PSME4: variants seen among roughly 807,000 people sequenced by gnomAD.
The protein encoded by PSME4 is proteasome activator complex subunit 4.
A neutral mutation model predicts 253.9 loss-of-function variants in PSME4; 89 were observed. The observed-to-expected ratio is 0.35, with a 90% CI of 0.30 to 0.42. The LOEUF is 0.42. Among genes scored for constraint, PSME4 ranks in the 10% least tolerant of loss-of-function variants. PSME4 has a pLI of 1.00. For missense variants in PSME4, 2,014 were observed against 2,195.2 expected, an observed-to-expected ratio of 0.92 and a Z score of 1.65; for synonymous variants, 851 against 759.2, an observed-to-expected ratio of 1.12 and a Z score of -1.99.
intron 41 of PSME4, among the ~76,000 whole-genome samples, chr2:53,882,434 C>T (rs1484047058): frequency 1.3e-5 from 2 of 152,180 alleles, no homozygotes; most frequent in Non-Finnish European, 2.9e-5. Context: ...TGTTATCAGA[C>T]TCAGCCACCC....
rs532970621 is a variant in PSME4 at position 53,884,171 on chromosome 2, T to C, written c.4815+1519A>G. On this transcript the variant is annotated intron_variant, in intron 41 of 46. Coordinates refer to ENST00000404125, the MANE Select transcript of PSME4 (RefSeq NM_014614.3). ...TCAATATTAGTATATCCAGGTGAGA[T>C]GTTAGGCTTGTCAATGGTAACTTAT... 8.5e-5 allele frequency among the ~76,000 whole-genome samples: 13 copies of C among 152,292 alleles called. No homozygotes were observed. The East Asian group carries it at 2.5e-3, about 29-fold the overall frequency.
At chr2:53,928,345 TA>T in intron 10 of PSME4, 42 bp from the exon 11 acceptor site, 1 of 1,470,882 alleles carries the variant, frequency 6.8e-7, no homozygotes, top group South Asian at 1.2e-5. Flanking sequence ...CCATCACAGA[TA>T]TGCATAATAC....
chr2:53,883,269 T>G lies in PSME4; in HGVS notation c.4815+2421A>C, dbSNP rs1251176041. On this transcript the variant is annotated intron_variant, in intron 41 of 46. Coordinates refer to ENST00000404125, the MANE Select transcript of PSME4 (RefSeq NM_014614.3). Reference sequence around the variant, plus strand: ...TAGCTCACACCTGTAATCCTAGCACTTTGGAAGGCTACGGTGGGAGGACCA... The same window carrying G: ...TAGCTCACACCTGTAATCCTAGCACGTTGGAAGGCTACGGTGGGAGGACCA... Among the ~76,000 whole-genome samples, 4 of 152,198 alleles carry G rather than the reference T, an allele frequency of 2.6e-5. No individual in the cohort carries two copies. The East Asian group carries it at 7.7e-4, about 29-fold the overall frequency.
chr2:53,898,424 C>A, intron 29 of PSME4, 70 bp from the exon 30 acceptor site: 1 of 1,235,228 alleles, frequency 8.1e-7, no homozygotes, highest in Non-Finnish European at 1.1e-6. Context: ...AATAGAAATT[C>A]AAATTCTAGC....
In PSME4 at chr2:53,874,458, C is replaced by T. The variant is rs753060353; in HGVS notation, c.4981G>A (p.Val1661Ile). Residue 1661 changes from valine (V) to isoleucine (I), a missense_variant, in exon 43 of 47, where the codon GTA becomes ATA. This residue lies in a region of PSME4 where 403 missense variants were observed against 556.1 expected (regional missense o/e 0.72). Transcript: ENST00000404125. ...RSSSWHARYT[V>I]LTYLQTMVFY... ...ACCATGGTCTGGAGGTAGGTCAGTACTGTGTATCGTGCATGCCAAGAACTG... is the reference window on the plus strand; with the variant it reads ...ACCATGGTCTGGAGGTAGGTCAGTATTGTGTATCGTGCATGCCAAGAACTG... 6.2e-7 allele frequency: 1 copy of T among 1,613,902 alleles called. No homozygotes were observed. The highest frequency in any genetic ancestry group is 8.5e-7 in the Non-Finnish European group (1 of 1,179,964).
In PSME4 at chr2:53,919,037, T is replaced by G. The variant is rs149377631; in HGVS notation, c.2516+114A>C. On this transcript the variant is annotated intron_variant, in intron 20 of 46. Transcript: ENST00000404125. ...TATTTTTGACCTTAACAGTGACAAATAAAAAGGTTAAAGTGATACAGAAAT... is the reference window on the plus strand; with the variant it reads ...TATTTTTGACCTTAACAGTGACAAAGAAAAAGGTTAAAGTGATACAGAAAT... The G allele has an allele frequency of 1.2e-3, 1,269 of 1,049,078 alleles. 12 individuals are homozygous for G. In the African/African-American group the frequency reaches 0.019, roughly 16 times the overall value. 65.0% of individuals were successfully genotyped at this position (1,049,078 alleles called of 1,614,324 possible). A position where few individuals can be genotyped will look rare whatever the true frequency, so the allele number is the denominator to read the frequency against.
intron 1 of PSME4, among the ~76,000 whole-genome samples, chr2:53,964,019 A>C (rs1208811496): frequency 6.6e-6 from 1 of 152,194 alleles, no homozygotes; most frequent in African/African-American, 2.4e-5. Flanking sequence ...TTTTCATAAT[A>C]AAAAATATGT....
At chr2:53,895,208 A>C in intron 33 of PSME4, 132 bp from the exon 34 acceptor site, 1 of 706,736 alleles carries the variant, frequency 1.4e-6, no homozygotes, top group Non-Finnish European at 2.3e-6. Flanking sequence ...GTACAGCAGT[A>C]ACAGTCTAGG....
intron 6 of PSME4, 72 bp downstream of exon 6, chr2:53,936,692 T>C: frequency 9.2e-7 from 1 of 1,090,536 alleles, no homozygotes; most frequent in Non-Finnish European, 1.3e-6. Flanking sequence ...TATCTCCAAA[T>C]TAAAAAAGTA....
chr2:53,960,026 G>C (rs139827387), intron 1 of PSME4, among the ~76,000 whole-genome samples: 1 of 152,284 alleles, frequency 6.6e-6, no homozygotes, highest in East Asian at 1.9e-4. Flanking sequence ...GACTTTGAAA[G>C]TTTAGAAAGC....
chr2:53,881,919 C>T (rs1052811518), intron 41 of PSME4, among the ~76,000 whole-genome samples: 5 of 152,032 alleles, frequency 3.3e-5, no homozygotes, highest in African/African-American at 7.2e-5. Context: ...TCTATTTACC[C>T]GAAAGCCAGG....
At chr2:53,937,027 T>G (rs1037162021) in intron 5 of PSME4, among the ~76,000 whole-genome samples, 200 bp from the exon 6 acceptor site, 6 of 152,224 alleles carry the variant, frequency 3.9e-5, no homozygotes, top group African/African-American at 1.4e-4. Flanking sequence ...TTAAGAAATA[T>G]GATCTCACAG....
intron 14 of PSME4, among the ~76,000 whole-genome samples, chr2:53,923,908 G>C: frequency 1.3e-5 from 1 of 77,044 alleles, no homozygotes; most frequent in East Asian, 3.5e-4. Flanking sequence ...AGGTGACAGA[G>C]TTAACAAAAA....
At chr2:53,868,476 ATT>A (rs201461075) in intron 44 of PSME4, among the ~76,000 whole-genome samples, 1 of 83,738 alleles carries the variant, frequency 1.2e-5, no homozygotes. Flanking sequence ...TATAAAATAT[ATT>A]TATAATATAT....
intron 24 of PSME4, 97 bp downstream of exon 24, chr2:53,908,223 A>T: frequency 1.1e-6 from 1 of 915,222 alleles, no homozygotes; most frequent in Non-Finnish European, 1.6e-6. Flanking sequence ...TTTTCCTTTT[A>T]GGAAAACTTC....
intron 1 of PSME4, among the ~76,000 whole-genome samples, chr2:53,951,965 T>C (rs1434790543): frequency 6.6e-6 from 1 of 152,210 alleles, no homozygotes; most frequent in African/African-American, 2.4e-5. Flanking sequence ...TGATAGAGCC[T>C]TCTGATGCCT....
intron 20 of PSME4, among the ~76,000 whole-genome samples, chr2:53,911,245 T>C (rs1021141997): frequency 1.3e-5 from 2 of 152,160 alleles, no homozygotes; most frequent in Non-Finnish European, 2.9e-5. Context: ...ACCAAGCCCA[T>C]AGAGTATAAA....
intron 1 of PSME4, among the ~76,000 whole-genome samples, chr2:53,960,925 T>C (rs905869405): frequency 1.3e-5 from 2 of 152,112 alleles, no homozygotes; most frequent in African/African-American, 4.8e-5. Context: ...CTGACCAACA[T>C]GGAGAAACCC....
rs768216716 is a variant in PSME4, at chr2:53,887,297, T to C, written c.4691A>G (p.Glu1564Gly). Residue 1564 changes from glutamate (E) to glycine (G), a missense_variant, in exon 40 of 47, where the codon GAA becomes GGA. Coordinates refer to ENST00000404125, the MANE Select transcript of PSME4 (RefSeq NM_014614.3). ...HVMEENGIGE[E>G]DERTQGIKLL... ...TTTAATGCCCTGAGTTCGCTCATCT[T>C]CTTCACCAATTCCATTTTCTTCCAT... 4 of 1,614,058 alleles carry C rather than the reference T, an allele frequency of 2.5e-6. No individual in the cohort carries two copies. The highest frequency in any genetic ancestry group is 2.5e-6 in the Non-Finnish European group (3 of 1,179,936).
Sources: gnomAD v4.1 joint callset for allele counts (sites outside exome capture counted in the v4.1 genomes callset) on GRCh38, gnomAD v4.1.1 for gene constraint, gnomAD v4.1.1 regional missense constraint, MANE v1.5 for transcripts, NCBI Gene and HGNC (gene_info 2026-07-23, HGNC 2026-07-21) for gene names.